The following SCN1A variants were observed in gnomAD, a reference collection of about 807,000 sequenced individuals.
SCN1A encodes sodium channel protein type 1 subunit alpha.
SCN1A carries 13 observed loss-of-function variants against 193.7 expected under a neutral mutation model. The observed-to-expected ratio is 0.07, with a 90% CI of 0.04 to 0.11. The LOEUF (loss-of-function observed/expected upper bound fraction) is 0.11, where lower values mean the gene tolerates loss of function less well. Among genes scored for constraint, SCN1A ranks in the 10% least tolerant of loss-of-function variants. The pLI, the probability that SCN1A is intolerant of heterozygous loss-of-function variation, is 1.00. For missense variants in SCN1A, 1,432 were observed against 2,451.1 expected (o/e 0.58, Z 8.78); for synonymous variants, 781 against 843.6 (o/e 0.93, Z 1.29).
chr2:165,991,394 T>C lies in SCN1A; in HGVS notation c.5881A>G (p.Ile1961Val). The change falls in exon 29 of 29, where the codon ATT (isoleucine) becomes GTT (valine). Residue 1961 changes from isoleucine to valine, a missense_variant. Physicochemically the swap from Ile to Val is conservative, Grantham distance 29. This residue lies in a region of SCN1A where 148 missense variants were observed against 160.3 expected (regional missense o/e 0.92). Coordinates refer to ENST00000674923, the MANE Select transcript of SCN1A (RefSeq NM_001165963.4). ...ANLLIKEDMI[I>V]DRINENSITE... is the part of the protein sequence containing the mutation. ...ATAGAGTTTTCATTTATTCTGTCAA[T>C]TATCATGTCTTCTTTTATAAGAAGA... 6.2e-7 allele frequency: 1 copy of C among 1,613,766 alleles called. No homozygotes were observed. The highest frequency in any genetic ancestry group is 8.5e-7 in the Non-Finnish European group (1 of 1,179,828).
chr2:166,109,317 T>C (rs1559347274), intron 2 of SCN1A, among the ~76,000 whole-genome samples: 1 of 152,194 alleles, frequency 6.6e-6, no homozygotes, highest in South Asian at 2.1e-4. Flanking sequence ...AACATTGATT[T>C]CCTTAAGATC....
At chr2:166,046,692 A>T in intron 12 of SCN1A, 78 bp downstream of exon 12, 1 of 1,362,976 alleles carries the variant, frequency 7.3e-7, no homozygotes, top group Non-Finnish European at 1.0e-6. Context: ...ACCTGCTCTT[A>T]GGTACTCACT....
At chr2:166,011,702 T>C (rs983964202) in intron 22 of SCN1A, among the ~76,000 whole-genome samples, 6 of 151,008 alleles carry the variant, frequency 4.0e-5, no homozygotes, top group Non-Finnish European at 8.9e-5. Flanking sequence ...AAGTTGGGGG[T>C]CAAGAGTTTG....
At chr2:166,032,235 A>ACACAGATGCTCCTCAACTTACGATG (rs1491448427) in intron 19 of SCN1A, among the ~76,000 whole-genome samples, 3 of 152,094 alleles carry the variant, frequency 2.0e-5, no homozygotes, top group African/African-American at 7.2e-5. Flanking sequence ...ACACACACAC[A>ACACAGATGCTCCTCAACTTACGATG]GAGACAGAGA....
In SCN1A at chr2:165,992,004, C is replaced by T; in HGVS notation, c.5271G>A (p.Gly1757=). The T allele has an allele frequency of 6.2e-7, 1 of 1,613,972 alleles. No individual in the cohort carries two copies. The change falls in exon 29 of 29, where the codon GGG becomes GGA. Residue 1757 remains glycine, a synonymous_variant. Transcript: ENST00000674923. This position sits in a 1 kb window ranked among gnomAD's most constrained non-coding sequence, Gnocchi z 6.5. ...NPGSSVKGDC[G]NPSVGIFFFV... is the part of the protein sequence containing the mutation. ...AAAAGAAAATTCCAACAGATGGGTT[C>T]CCACAGTCTCCCTTAACTGAGCTTC...
In SCN1A at chr2:165,996,047, G is replaced by A. The variant is rs139300715; in HGVS notation, c.4547C>T (p.Ser1516Leu). The A allele has an allele frequency of 1.4e-5, 23 of 1,608,592 alleles. No homozygotes were observed. Among genetic ancestry groups the A allele is most frequent in the South Asian group, 7.7e-5 (7 of 90,822 alleles). The change falls in exon 27 of 29, where the codon TCG becomes TTG. Residue 1516 changes from serine (S) to leucine (L), a missense_variant. Coordinates refer to ENST00000674923, the MANE Select transcript of SCN1A (RefSeq NM_001165963.4). ...AGGTATAGGCTTTTGCGGTTTTTTC[G>A]ATCCTAATTTTTTCATTGCATTATA... is the stretch of plus-strand genomic sequence containing the variant. ...KYYNAMKKLG[S>L]KKPQKPIPRP... is the part of the protein sequence containing the mutation.
chr2:166,131,515 T>C (rs1691661515), upstream of SCN1A, among the ~76,000 whole-genome samples: 1 of 152,172 alleles, frequency 6.6e-6, no homozygotes, highest in Non-Finnish European at 1.5e-5. Context: ...CAATAGATTT[T>C]GGGTATTAAA....
At chr2:166,123,378 C>T (rs944086061) in intron 2 of SCN1A, 1 of 151,942 alleles carries the variant, frequency 6.6e-6, no homozygotes, top group African/African-American at 2.4e-5. Context: ...TGTATCATTT[C>T]TGGAGGAAGA....
chr2:166,060,675 T>C (rs894195802), intron 4 of SCN1A: 3 of 152,072 alleles, frequency 2.0e-5, no homozygotes, highest in African/African-American at 7.3e-5. Flanking sequence ...CTGGCCAACA[T>C]GGTGAAACCC....
intron 2 of SCN1A, among the ~76,000 whole-genome samples, chr2:166,105,122 C>A (rs1452523523): frequency 6.6e-6 from 1 of 152,106 alleles, no homozygotes; most frequent in Non-Finnish European, 1.5e-5. Flanking sequence ...TACATATTTG[C>A]TTGCTGTACC....
In SCN1A at chr2:166,005,959, A is replaced by T. The variant is rs532826869; in HGVS notation, c.4003-3206T>A. On this transcript the variant is annotated intron_variant, in intron 23 of 28. Transcript: ENST00000674923. ...TCATCAAATAAAGTTTCTCTACTCTAGCACAACCAATTCTATTTCTGGTTC... is the reference window on the plus strand; with the variant it reads ...TCATCAAATAAAGTTTCTCTACTCTTGCACAACCAATTCTATTTCTGGTTC... Among the ~76,000 whole-genome samples, 16 of 151,464 alleles carry T rather than the reference A, an allele frequency of 1.1e-4. No individual in the cohort carries two copies. In the South Asian group the frequency reaches 3.3e-3, roughly 31 times the overall value.
At chr2:166,097,860 C>A (rs565645154) in intron 2 of SCN1A, among the ~76,000 whole-genome samples, 1 of 152,294 alleles carries the variant, frequency 6.6e-6, no homozygotes, top group African/African-American at 2.4e-5. Context: ...GGATTACAGG[C>A]ATGAGCTATC....
chr2:166,107,463 T>C (rs905678816), intron 2 of SCN1A, among the ~76,000 whole-genome samples: 1 of 151,486 alleles, frequency 6.6e-6, no homozygotes, highest in Non-Finnish European at 1.5e-5. Flanking sequence ...TCAACAGTTA[T>C]AAAAAAAAAT....
rs568888254 is a variant in SCN1A, at chr2:165,986,286, A to G, written c.*4959T>C. The G allele has an allele frequency of 6.6e-6, 1 of 152,248 alleles. No individual in the cohort carries two copies. The highest frequency in any genetic ancestry group is 2.1e-4 in the South Asian group (1 of 4,826). 9.4% of individuals were successfully genotyped at this position (152,248 alleles called of 1,614,324 possible). On this transcript the variant is annotated 3_prime_UTR_variant, in exon 29 of 29. Coordinates refer to ENST00000674923, the MANE Select transcript of SCN1A (RefSeq NM_001165963.4). ...AATTTTCTGGCTTAACTATAGACAT[A>G]TGAAAACCTTGTCATAAGGGTGCTG...
chr2:166,090,170 G>A lies in SCN1A; in HGVS notation c.-141-12369C>T, dbSNP rs566267111. Among the ~76,000 whole-genome samples, 10 of 150,786 alleles carry A rather than the reference G, an allele frequency of 6.6e-5. 1 individual carries two copies. Among genetic ancestry groups the A allele is most frequent in the African/African-American group, 2.4e-4 (10 of 41,062 alleles). The stretch of plus-strand genomic sequence containing the variant: ...TACTCACACCTCAGGCTCCTGAGTA[G>A]CTGGGATGCATACCAGCATGCCCAG... On this transcript the variant is annotated intron_variant, in intron 2 of 28. Coordinates refer to ENST00000674923, the MANE Select transcript of SCN1A (RefSeq NM_001165963.4).
intron 2 of SCN1A, among the ~76,000 whole-genome samples, chr2:166,118,578 G>A (rs551602339): frequency 1.5e-3 from 221 of 151,882 alleles, no homozygotes; most frequent in African/African-American, 5.0e-3. Context: ...ACACCGGACT[G>A]TTTTCTCCTT....
chr2:166,094,997 T>A (rs755325814), intron 2 of SCN1A, among the ~76,000 whole-genome samples: 17 of 152,264 alleles, frequency 1.1e-4, no homozygotes, highest in Non-Finnish European at 2.2e-4. Flanking sequence ...ATTTGGTCTT[T>A]ATTATTCTGC....
chr2:166,109,815 C>T (rs1195340420), intron 2 of SCN1A, among the ~76,000 whole-genome samples: 1 of 152,062 alleles, frequency 6.6e-6, no homozygotes, highest in Non-Finnish European at 1.5e-5. Context: ...TTCCCAGTTC[C>T]TTGAGACACA....
chr2:166,076,085 A>T (rs1171039909), intron 3 of SCN1A, among the ~76,000 whole-genome samples: 1 of 151,826 alleles, frequency 6.6e-6, no homozygotes, highest in African/African-American at 2.4e-5. Context: ...TTAAAAATGT[A>T]TATTTTTTGA....
Sources: allele counts gnomAD v4.1 joint callset (sites outside exome capture counted in the v4.1 genomes callset), GRCh38; gene constraint gnomAD v4.1.1; regional missense constraint gnomAD v4.1.1; non-coding constraint Gnocchi (gnomAD v3.1); transcripts MANE v1.5; gene names NCBI Gene and HGNC (gene_info 2026-07-23, HGNC 2026-07-21).